Variants in ANO10 observed in about 807,000 individuals in gnomAD.
ANO10 encodes the protein anoctamin 10.
Under a neutral mutation model 74.7 loss-of-function variants are expected in ANO10, and 77 were observed. That is an observed-to-expected ratio of 1.03 (90% CI 0.86 to 1.25). The LOEUF (loss-of-function observed/expected upper bound fraction) is 1.25. Among genes scored for constraint, ANO10 ranks in the 50% most tolerant of loss-of-function variants. ANO10 has a pLI of 0.00. For synonymous variants in ANO10, 279 were observed against 284.9 expected (o/e 0.98, Z 0.21); for missense variants, 721 against 778.1 (o/e 0.93, Z 0.87).
intron 11 of ANO10, among the ~76,000 whole-genome samples, chr3:43,481,403 A>G (rs962230136): frequency 6.6e-6 from 1 of 152,186 alleles, no homozygotes; most frequent in African/African-American, 2.4e-5. Flanking sequence ...TTGTGCCTAT[A>G]AACCAAAAAT....
At chr3:43,573,295 T>C (rs2149390908) in intron 7 of ANO10, among the ~76,000 whole-genome samples, 1 of 152,310 alleles carries the variant, frequency 6.6e-6, no homozygotes, top group South Asian at 2.1e-4. Context: ...TAGGGCTACT[T>C]TTCCCTTTCC....
chr3:43,415,044 G>A (rs138720398), intron 12 of ANO10, among the ~76,000 whole-genome samples: 58 of 137,022 alleles, frequency 4.2e-4, no homozygotes, highest in African/African-American at 1.5e-3. Context: ...GCATGATCTC[G>A]GCTCACTGCA....
At chr3:43,691,317 C>G (rs1013407123) in intron 1 of ANO10, 1 of 319,748 alleles carries the variant, frequency 3.1e-6, no homozygotes, top group Non-Finnish European at 5.7e-6. Flanking sequence ...AGGGTCCGCC[C>G]CGTTGTTGTA....
intron 11 of ANO10, among the ~76,000 whole-genome samples, chr3:43,491,118 C>T (rs1353584675): frequency 6.6e-6 from 1 of 152,154 alleles, no homozygotes; most frequent in African/African-American, 2.4e-5. Context: ...ACTGTGCATG[C>T]TCATCTCCCA....
At chr3:43,634,479 G>A (rs2083585593) in intron 1 of ANO10, among the ~76,000 whole-genome samples, 1 of 152,050 alleles carries the variant, frequency 6.6e-6, no homozygotes, top group Admixed American at 6.6e-5. Context: ...ATATATAAAT[G>A]TTACATATGA....
intron 1 of ANO10, among the ~76,000 whole-genome samples, chr3:43,609,686 T>C (rs1412191447): frequency 6.6e-6 from 1 of 152,174 alleles, no homozygotes; most frequent in Non-Finnish European, 1.5e-5. Context: ...ATGTATAGGT[T>C]TGTAGCCTTA....
chr3:43,404,941 T>C (rs1016696745), intron 12 of ANO10, among the ~76,000 whole-genome samples: 3 of 143,698 alleles, frequency 2.1e-5, no homozygotes, highest in Middle Eastern at 3.8e-3. Context: ...AAAACTAATA[T>C]AGTGTCAAGC....
chr3:43,392,219 T>C (rs2092290877), intron 12 of ANO10, among the ~76,000 whole-genome samples: 2 of 151,978 alleles, frequency 1.3e-5, no homozygotes, highest in African/African-American at 4.8e-5. Flanking sequence ...AAAAGTCAAA[T>C]CAAGCAGTAT....
chr3:43,388,797 G>T (rs2092197891), intron 12 of ANO10, among the ~76,000 whole-genome samples: 1 of 152,228 alleles, frequency 6.6e-6, no homozygotes, highest in Non-Finnish European at 1.5e-5. Flanking sequence ...ACATTCAGAA[G>T]AGTATGCAAA....
chr3:43,367,040 C>T (rs2091435990), intron 12 of ANO10, 66 bp from the exon 13 acceptor site: 8 of 1,471,894 alleles, frequency 5.4e-6, no homozygotes, highest in Non-Finnish European at 6.5e-6. Context: ...GGCCTCTGCT[C>T]TCTGTGGAAG....
chr3:43,472,203 G>A (rs1383866862), intron 11 of ANO10, among the ~76,000 whole-genome samples: 1 of 152,146 alleles, frequency 6.6e-6, no homozygotes, highest in African/African-American at 2.4e-5. Context: ...AACTCGTAGG[G>A]AGAGAGAACA....
chr3:43,497,533 C>T (rs2076959942), intron 11 of ANO10, among the ~76,000 whole-genome samples: 2 of 152,154 alleles, frequency 1.3e-5, no homozygotes, highest in East Asian at 3.9e-4. Context: ...AACTCTCTTT[C>T]AGGCTTGTGT....
intron 11 of ANO10, among the ~76,000 whole-genome samples, chr3:43,524,945 T>C (rs972484719): frequency 5.3e-5 from 8 of 152,158 alleles, no homozygotes; most frequent in Non-Finnish European, 1.0e-4. Context: ...CTAGAACCAC[T>C]GCAGTTACCA....
At chr3:43,650,678 A>AT (rs999884943) in intron 1 of ANO10, among the ~76,000 whole-genome samples, 1 of 152,108 alleles carries the variant, frequency 6.6e-6, no homozygotes. Flanking sequence ...GTACTGAATC[A>AT]TTTTTTTCCA....
intron 1 of ANO10, among the ~76,000 whole-genome samples, chr3:43,615,004 T>C (rs2083027268): frequency 6.6e-6 from 1 of 151,228 alleles, no homozygotes; most frequent in Non-Finnish European, 1.5e-5. Flanking sequence ...GACCCAACTA[T>C]ATTTATTAAC....
intron 4 of ANO10, among the ~76,000 whole-genome samples, chr3:43,583,574 T>C (rs949816314): frequency 1.3e-5 from 2 of 152,276 alleles, no homozygotes; most frequent in Admixed American, 6.5e-5. Context: ...GTGATGTGTT[T>C]ACTTCAAAAG....
chr3:43,366,858 GCA>G lies in ANO10; in HGVS notation c.*46_*47del. ...CCCCCCTGCCACCGTGGCAGGTGTG[GCA>G]CAGACACAGGCCTCTGCCAACAGGG... On this transcript the variant is annotated 3_prime_UTR_variant, in exon 13 of 13. Transcript: ENST00000292246. 1 of 1,535,708 alleles carries G rather than the reference GCA, an allele frequency of 6.5e-7. No homozygotes were observed. Among genetic ancestry groups the G allele is most frequent in the Non-Finnish European group, 8.8e-7 (1 of 1,131,474 alleles).
At chr3:43,634,912 G>A (rs912391732) in intron 1 of ANO10, among the ~76,000 whole-genome samples, 2 of 152,126 alleles carry the variant, frequency 1.3e-5, no homozygotes, top group African/African-American at 2.4e-5. Flanking sequence ...TGGTCCTGTG[G>A]CATGTGTGAA....
chr3:43,576,660 G>T lies in ANO10; in HGVS notation c.1162+32C>A, dbSNP rs778230480. On this transcript the variant is annotated intron_variant, in intron 6 of 12. Coordinates refer to ENST00000292246, the MANE Select transcript of ANO10 (RefSeq NM_018075.5). ...TCTAGGCAACATTTCTTACAGGCAAGTAAGACGTGAATATAAAGCCTCAAG... is the reference window on the plus strand; with the variant it reads ...TCTAGGCAACATTTCTTACAGGCAATTAAGACGTGAATATAAAGCCTCAAG... 12 of 1,606,402 alleles carry T rather than the reference G, an allele frequency of 7.5e-6. 1 individual carries two copies. In the Middle Eastern group the frequency reaches 6.6e-4, roughly 88 times the overall value.
Sources: gnomAD v4.1 joint callset for allele counts (sites outside exome capture counted in the v4.1 genomes callset) on GRCh38, gnomAD v4.1.1 for gene constraint, MANE v1.5 for transcripts, NCBI Gene and HGNC (gene_info 2026-07-23, HGNC 2026-07-21) for gene names.